The following TMEM132D variants were observed in gnomAD, a reference collection of about 807,000 sequenced individuals.
The protein encoded by TMEM132D is transmembrane protein 132D, also known as mature OL transmembrane protein.
Under a neutral mutation model 62.3 loss-of-function variants are expected in TMEM132D, and 21 were observed. The ratio of observed to expected loss-of-function variants is 0.34; its 90% CI spans 0.24 to 0.49. The LOEUF (loss-of-function observed/expected upper bound fraction) is 0.49. Among genes scored for constraint, TMEM132D ranks in the 20% least tolerant of loss-of-function variants. TMEM132D has a pLI of 0.99. For missense variants in TMEM132D, 1,346 were observed against 1,402.8 expected (o/e 0.96, Z 0.65); for synonymous variants, 621 against 575.6 (o/e 1.08, Z -1.13).
At chr12:129,305,753 G>A (rs555213132) in intron 4 of TMEM132D, among the ~76,000 whole-genome samples, 160 of 152,220 alleles carry the variant, frequency 1.1e-3, no homozygotes, top group African/African-American at 3.6e-3. Flanking sequence ...ATAGCACTGC[G>A]TCTCTCACAG....
At chr12:129,336,908 G>A (rs908633840) in intron 4 of TMEM132D, among the ~76,000 whole-genome samples, 1 of 152,164 alleles carries the variant, frequency 6.6e-6, no homozygotes, top group Non-Finnish European at 1.5e-5. Flanking sequence ...GACAAACGGC[G>A]TTGCCATTCC....
At chr12:129,701,544 G>A (rs1881385733) in intron 1 of TMEM132D, among the ~76,000 whole-genome samples, 2 of 152,146 alleles carry the variant, frequency 1.3e-5, no homozygotes, top group Non-Finnish European at 2.9e-5. Flanking sequence ...TGGACACTAC[G>A]CCGTCACCAA....
intron 3 of TMEM132D, among the ~76,000 whole-genome samples, chr12:129,435,354 C>T (rs780822512): frequency 6.6e-6 from 1 of 152,158 alleles, no homozygotes; most frequent in Non-Finnish European, 1.5e-5. Context: ...ATTTCTGGAT[C>T]TTACGGGCAT....
At chr12:129,143,165 T>G (rs986449210) in intron 5 of TMEM132D, among the ~76,000 whole-genome samples, 1 of 152,150 alleles carries the variant, frequency 6.6e-6, no homozygotes, top group Non-Finnish European at 1.5e-5. Flanking sequence ...AGTCTGGTCC[T>G]CTAGAACTTC....
At chr12:129,430,438 T>C (rs141867375) in intron 3 of TMEM132D, among the ~76,000 whole-genome samples, 216 of 152,340 alleles carry the variant, frequency 1.4e-3, no homozygotes, top group African/African-American at 5.0e-3. Flanking sequence ...TTTTTTCTTG[T>C]AAATTTGTTT....
intron 2 of TMEM132D, among the ~76,000 whole-genome samples, chr12:129,560,561 C>T (rs535511185): frequency 2.6e-5 from 4 of 152,282 alleles, no homozygotes; most frequent in South Asian, 2.1e-4. Flanking sequence ...TGAGCCACTG[C>T]GCCCGGCCAG....
chr12:129,638,524 T>TAA (rs1214527634), intron 2 of TMEM132D, among the ~76,000 whole-genome samples: 23 of 18,230 alleles, frequency 1.3e-3, no homozygotes, highest in African/African-American at 3.7e-3. Flanking sequence ...TATATATAAA[T>TAA]ATATAAACAT....
At chr12:129,572,019 AAG>A (rs1046990720) in intron 2 of TMEM132D, among the ~76,000 whole-genome samples, 4 of 152,160 alleles carry the variant, frequency 2.6e-5, no homozygotes, top group African/African-American at 9.7e-5. Flanking sequence ...ACGGGCTATC[AAG>A]AGGTGACCTC....
chr12:129,126,643 A>G (rs972978314), intron 5 of TMEM132D, among the ~76,000 whole-genome samples: 4 of 152,158 alleles, frequency 2.6e-5, no homozygotes, highest in Non-Finnish European at 5.9e-5. Flanking sequence ...TAACATACAT[A>G]CGCGTTTGGC....
chr12:129,717,517 T>A (rs189816032), intron 1 of TMEM132D, among the ~76,000 whole-genome samples: 1 of 149,618 alleles, frequency 6.7e-6, no homozygotes, highest in East Asian at 1.9e-4. Context: ...ATTAATAATA[T>A]ATTTAATAAA....
chr12:129,686,043 G>A (rs192131545), intron 2 of TMEM132D, among the ~76,000 whole-genome samples: 21 of 152,304 alleles, frequency 1.4e-4, no homozygotes, highest in African/African-American at 4.8e-4. Flanking sequence ...AGGCTCCTAA[G>A]CAGAAAGGAC....
At chr12:129,140,769 G>A (rs1010041935) in intron 5 of TMEM132D, among the ~76,000 whole-genome samples, 4 of 151,832 alleles carry the variant, frequency 2.6e-5, no homozygotes, top group Admixed American at 6.6e-5. Context: ...AACGCTGGTG[G>A]TGGAGGTTGC....
rs1464592950 is a variant in TMEM132D, at chr12:129,874,787, C to T, written c.79+28474G>A. Among the ~76,000 whole-genome samples, 9 of 149,814 alleles carry T rather than the reference C, an allele frequency of 6.0e-5. No individual in the cohort carries two copies. The East Asian group carries it at 1.2e-3, about 20-fold the overall frequency. On this transcript the variant is annotated intron_variant, in intron 1 of 8. Transcript: ENST00000422113. ...CGCAATCTCGGCTCACTGCAAATTC[C>T]ACCTCCCGGTTCAAGTGATTCTCCT...
chr12:129,637,913 A>G (rs1371380705), intron 2 of TMEM132D, among the ~76,000 whole-genome samples: 1 of 152,178 alleles, frequency 6.6e-6, no homozygotes, highest in Non-Finnish European at 1.5e-5. Context: ...AAGGGGTGGT[A>G]CTAAACCATT....
At chr12:129,693,107 A>C (rs1193880098) in intron 2 of TMEM132D, among the ~76,000 whole-genome samples, 1 of 152,212 alleles carries the variant, frequency 6.6e-6, no homozygotes, top group Non-Finnish European at 1.5e-5. Flanking sequence ...AAAGAACATG[A>C]ACAAAAAGCC....
intron 3 of TMEM132D, among the ~76,000 whole-genome samples, chr12:129,397,525 T>C (rs1871466341): frequency 6.6e-6 from 1 of 152,092 alleles, no homozygotes; most frequent in Admixed American, 6.5e-5. Flanking sequence ...CTCTTTTGGG[T>C]CCAGATGATT....
At chr12:129,474,651 C>G (rs760536711) in intron 3 of TMEM132D, among the ~76,000 whole-genome samples, 18 of 152,134 alleles carry the variant, frequency 1.2e-4, no homozygotes, top group Non-Finnish European at 2.1e-4. Flanking sequence ...GCTGAATATC[C>G]CATTGACGTG....
At chr12:129,289,994 T>G (rs952837398) in intron 4 of TMEM132D, among the ~76,000 whole-genome samples, 1 of 152,294 alleles carries the variant, frequency 6.6e-6, no homozygotes, top group East Asian at 1.9e-4. Context: ...GGGATAACTG[T>G]TGGAATTTGA....
chr12:129,657,141 C>T (rs1880107812), intron 2 of TMEM132D, among the ~76,000 whole-genome samples: 1 of 152,198 alleles, frequency 6.6e-6, no homozygotes, highest in South Asian at 2.1e-4. Context: ...TTGGTAACTT[C>T]TAGTTCAGCT....
Sources: gnomAD v4.1 joint callset for allele counts (sites outside exome capture counted in the v4.1 genomes callset) on GRCh38, gnomAD v4.1.1 for gene constraint, MANE v1.5 for transcripts, NCBI Gene and HGNC (gene_info 2026-07-23, HGNC 2026-07-21) for gene names.